Variants in TDRP observed in about 807,000 individuals in gnomAD.
The protein encoded by TDRP is testis development related protein.
In TDRP, 12 loss-of-function variants were observed where a neutral mutation model predicts 10.5. The ratio of observed to expected loss-of-function variants is 1.15; its 90% CI spans 0.73 to 1.86. TDRP has a LOEUF of 1.86. Among genes scored for constraint, TDRP ranks in the 40% most tolerant of loss-of-function variants. The pLI, the probability that TDRP is intolerant of heterozygous loss-of-function variation, is 0.00. For missense variants in TDRP, 353 were observed against 229.2 expected (o/e 1.54, Z -3.49); for synonymous variants, 139 against 95.4 (o/e 1.46, Z -2.67).
chr8:538,505 T>G (rs749236351), intron 1 of TDRP, among the ~76,000 whole-genome samples: 2 of 152,178 alleles, frequency 1.3e-5, no homozygotes, highest in African/African-American at 4.8e-5. Flanking sequence ...TAAACACTAG[T>G]GATAGCTCTA....
chr8:535,448 C>T (rs1263950130), intron 1 of TDRP, among the ~76,000 whole-genome samples: 5 of 152,120 alleles, frequency 3.3e-5, no homozygotes, highest in South Asian at 2.1e-4. Flanking sequence ...GAACATAAAA[C>T]GACCTCCCTG....
chr8:499,732 C>A (rs566169443), intron 1 of TDRP, among the ~76,000 whole-genome samples: 1 of 152,244 alleles, frequency 6.6e-6, no homozygotes, highest in East Asian at 1.9e-4. Context: ...AAGTCTCCCA[C>A]ATTTCCCTCT....
intron 1 of TDRP, among the ~76,000 whole-genome samples, chr8:543,698 C>A (rs1231316192): frequency 6.6e-6 from 1 of 152,128 alleles, no homozygotes; most frequent in Non-Finnish European, 1.5e-5. Context: ...CATAGAAAAT[C>A]TCTATCAAGA....
intron 1 of TDRP, among the ~76,000 whole-genome samples, chr8:521,291 C>A (rs2116822074): frequency 6.7e-6 from 1 of 150,250 alleles, no homozygotes; most frequent in South Asian, 2.1e-4. Flanking sequence ...GTGGTGGGCG[C>A]CTGTAGTCCC....
At chr8:528,890 C>G (rs1802108580) in intron 1 of TDRP, among the ~76,000 whole-genome samples, 1 of 151,944 alleles carries the variant, frequency 6.6e-6, no homozygotes, top group African/African-American at 2.4e-5. Flanking sequence ...GTAGTATTAA[C>G]TCACACAATC....
At chr8:519,398 T>G (rs1239820136) in intron 1 of TDRP, among the ~76,000 whole-genome samples, 1 of 152,130 alleles carries the variant, frequency 6.6e-6, no homozygotes, top group East Asian at 1.9e-4. Context: ...AACCCCCACT[T>G]TAGAGTCAGC....
intron 1 of TDRP, among the ~76,000 whole-genome samples, chr8:543,883 A>G (rs949508789): frequency 1.4e-5 from 2 of 141,244 alleles, no homozygotes; most frequent in Non-Finnish European, 3.1e-5. Flanking sequence ...TTTCTGACCT[A>G]AATTTCATTG....
intron 1 of TDRP, among the ~76,000 whole-genome samples, chr8:511,632 T>C (rs920234250): frequency 3.9e-5 from 6 of 152,188 alleles, no homozygotes; most frequent in African/African-American, 1.2e-4. Flanking sequence ...TCTCCAACAA[T>C]AGAATGTACA....
intron 1 of TDRP, among the ~76,000 whole-genome samples, chr8:538,194 G>A (rs1284295670): frequency 6.6e-6 from 1 of 152,218 alleles, no homozygotes; most frequent in Non-Finnish European, 1.5e-5. Context: ...GGGATGGGAA[G>A]TGACCAAGAG....
At chr8:499,689 T>G (rs1801233089) in intron 1 of TDRP, among the ~76,000 whole-genome samples, 1 of 152,216 alleles carries the variant, frequency 6.6e-6, no homozygotes, top group Non-Finnish European at 1.5e-5. Flanking sequence ...GCAGAAAGAA[T>G]CCATCAAAAC....
intron 1 of TDRP, among the ~76,000 whole-genome samples, chr8:499,833 T>G (rs1190330765): frequency 6.6e-6 from 1 of 152,212 alleles, no homozygotes; most frequent in Admixed American, 6.5e-5. Context: ...GTGGAGTTCC[T>G]GAAGGGCCCA....
intron 1 of TDRP, among the ~76,000 whole-genome samples, chr8:530,713 T>C (rs931301570): frequency 1.3e-5 from 2 of 152,180 alleles, no homozygotes; most frequent in Non-Finnish European, 2.9e-5. Flanking sequence ...CTCTCGCTTG[T>C]TCTCAGCAGC....
chr8:509,443 G>C (rs759828605), intron 1 of TDRP, among the ~76,000 whole-genome samples: 3 of 152,182 alleles, frequency 2.0e-5, no homozygotes, highest in Non-Finnish European at 4.4e-5. Flanking sequence ...CTTGACTTCG[G>C]TGCAGTCGTA....
chr8:541,829 T>G (rs1563134838), intron 1 of TDRP, among the ~76,000 whole-genome samples: 1 of 152,186 alleles, frequency 6.6e-6, no homozygotes, highest in African/African-American at 2.4e-5. Context: ...TGCAGCCACT[T>G]TGGAAGACGG....
chr8:510,558 C>T (rs1354518592), intron 1 of TDRP, among the ~76,000 whole-genome samples: 1 of 152,122 alleles, frequency 6.6e-6, no homozygotes, highest in African/African-American at 2.4e-5. Context: ...ACAATGAATG[C>T]CGGAAGGCAG....
chr8:513,635 C>T (rs952381561), intron 1 of TDRP, among the ~76,000 whole-genome samples: 6 of 152,148 alleles, frequency 3.9e-5, no homozygotes, highest in Admixed American at 1.3e-4. Context: ...TATTCAACAC[C>T]GTGCAGATTT....
chr8:515,232 C>G (rs759850767), intron 1 of TDRP, among the ~76,000 whole-genome samples: 2 of 152,156 alleles, frequency 1.3e-5, no homozygotes, highest in Non-Finnish European at 2.9e-5. Flanking sequence ...CTTTTCTGCT[C>G]TATCTTTTCT....
chr8:492,684 A>G lies in TDRP; in HGVS notation c.273T>C (p.Asn91=), dbSNP rs1801015320. Residue 91 remains asparagine, a synonymous_variant, in exon 3 of 3, where the codon AAT becomes AAC. Transcript: ENST00000324079. ...KAEKKSGFWD[N]LVLKQNIQSK... is the part of the protein sequence containing the mutation. ...ACTGTATATTCTGTTTTAAAACCAA[A>G]TTGTCCCAAAATCCAGATTTCTTCT... 1.2e-6 allele frequency: 2 copies of G among 1,613,940 alleles called. No homozygotes were observed. Among genetic ancestry groups the G allele is most frequent in the Non-Finnish European group, 1.7e-6 (2 of 1,179,866 alleles).
intron 1 of TDRP, among the ~76,000 whole-genome samples, chr8:495,252 A>G (rs1801093366): frequency 6.6e-6 from 1 of 152,136 alleles, no homozygotes; most frequent in Non-Finnish European, 1.5e-5. Context: ...AACAACAGCA[A>G]CAACAACAAA....
Sources: allele counts gnomAD v4.1 joint callset (sites outside exome capture counted in the v4.1 genomes callset), GRCh38; gene constraint gnomAD v4.1.1; transcripts MANE v1.5; gene names NCBI Gene and HGNC (gene_info 2026-07-23, HGNC 2026-07-21).